DPP6: variants seen among roughly 807,000 people sequenced by gnomAD.
DPP6 encodes the protein A-type potassium channel modulatory protein DPP6.
A neutral mutation model predicts 122.6 loss-of-function variants in DPP6; 69 were observed. The ratio of observed to expected loss-of-function variants is 0.56; its 90% CI spans 0.46 to 0.69. The LOEUF is 0.69. Ranked by LOEUF, DPP6 falls within the 30% of genes least tolerant of loss-of-function variation. DPP6 has a pLI of 0.00. For missense variants in DPP6, 928 were observed against 1,116.9 expected, an observed-to-expected ratio of 0.83 and a Z score of 2.41; for synonymous variants, 418 against 433.1, an observed-to-expected ratio of 0.97 and a Z score of 0.43.
At chr7:153,792,398 G>T in the DPP6 span, among the ~76,000 whole-genome samples, 60 of 146,300 alleles carry the variant, frequency 4.1e-4, no homozygotes, top group Middle Eastern at 3.6e-3. Context: ...TTCAGCAATA[G>T]TTTGACTGGA....
intron 1 of DPP6, among the ~76,000 whole-genome samples, chr7:154,006,162 A>T (rs1797904782): frequency 6.6e-6 from 1 of 152,190 alleles, no homozygotes; most frequent in Non-Finnish European, 1.5e-5. Context: ...AGGTAGCAGC[A>T]TCTGCCCTGA....
rs149502140 is a variant in DPP6 at position 154,327,430 on chromosome 7, G to A, written c.244-118784G>A. ...CAACATATATATTGATGAAGAATTA[G>A]GATCTTAATATAGGAACAGATTGCG... On this transcript the variant is annotated intron_variant, in intron 1 of 25. Transcript: ENST00000377770. Among the ~76,000 whole-genome samples the A allele has an allele frequency of 3.9e-5, 6 of 152,116 alleles. No homozygotes were observed. The East Asian group carries it at 7.8e-4, about 20-fold the overall frequency.
intron 1 of DPP6, among the ~76,000 whole-genome samples, chr7:154,163,180 A>G (rs1447953757): frequency 6.6e-6 from 1 of 152,100 alleles, no homozygotes; most frequent in South Asian, 2.1e-4. Context: ...GGAACTCTAC[A>G]CCTGGAGTCT....
At position 153,959,080 on chromosome 7, in the gene DPP6, A is replaced by C. The variant is rs555044335; in HGVS notation, c.51+71346A>C. On this transcript the variant is annotated intron_variant, in intron 1 of 25. Transcript: ENST00000404039. ...ATTAATTATGACATATTTCAAAGGC[A>C]GGCCAAGAACCTGGCCTCCTCTCCG... Among the ~76,000 whole-genome samples the C allele has an allele frequency of 2.6e-5, 4 of 152,290 alleles. No homozygotes were observed. The East Asian group carries it at 5.8e-4, about 22-fold the overall frequency.
the DPP6 span, among the ~76,000 whole-genome samples, chr7:153,768,534 T>C: frequency 3.3e-5 from 5 of 152,182 alleles, no homozygotes; most frequent in Non-Finnish European, 7.3e-5. Context: ...CTTGATGTTA[T>C]CACCTTTCTG....
chr7:154,731,840 C>G (rs1279531520), intron 8 of DPP6, among the ~76,000 whole-genome samples: 1 of 152,020 alleles, frequency 6.6e-6, no homozygotes, highest in Non-Finnish European at 1.5e-5. Flanking sequence ...GATTTTGAGG[C>G]CTGTGAGTGA....
chr7:154,513,223 C>A (rs1156429219), intron 3 of DPP6, among the ~76,000 whole-genome samples: 1 of 152,050 alleles, frequency 6.6e-6, no homozygotes, highest in Non-Finnish European at 1.5e-5. Flanking sequence ...TCCATCCTAC[C>A]TAATTTTAGT....
At chr7:154,079,072 C>G (rs1803797647) in intron 1 of DPP6, among the ~76,000 whole-genome samples, 1 of 151,748 alleles carries the variant, frequency 6.6e-6, no homozygotes, top group Non-Finnish European at 1.5e-5. Context: ...TCCTGGCCAA[C>G]ATGGTGAAAC....
At position 154,508,244 on chromosome 7, in the gene DPP6, C is replaced by G. The variant is rs77358483; in HGVS notation, c.458-32288C>G. The stretch of plus-strand genomic sequence containing the variant: ...GCAGTTCCATCTTGTTATCTTATAC[C>G]TGGATTCTCCATCTCTGCCCAGACA... On this transcript the variant is annotated intron_variant, in intron 3 of 25. Transcript: ENST00000377770. Among the ~76,000 whole-genome samples, 816 of 152,146 alleles carry G rather than the reference C, an allele frequency of 5.4e-3. 3 individuals carry two copies. Among genetic ancestry groups the G allele is most frequent in the African/African-American group, 0.019 (771 of 41,494 alleles).
At chr7:154,362,062 AAC>A (rs1811773357) in intron 1 of DPP6, among the ~76,000 whole-genome samples, 1 of 152,234 alleles carries the variant, frequency 6.6e-6, no homozygotes, top group African/African-American at 2.4e-5. Flanking sequence ...TCCTGTGACC[AAC>A]ATTGTTGAGG....
At chr7:154,174,878 CTTTTT>C (rs60317194) in intron 1 of DPP6, among the ~76,000 whole-genome samples, 5 of 144,958 alleles carry the variant, frequency 3.4e-5, no homozygotes, top group Admixed American at 3.4e-4. Flanking sequence ...TTCTTTCTTT[CTTTTT>C]TTTTTTGTTT....
At chr7:153,839,795 G>A in the DPP6 span, among the ~76,000 whole-genome samples, 12 of 152,232 alleles carry the variant, frequency 7.9e-5, no homozygotes, top group Admixed American at 4.6e-4. Flanking sequence ...GCTGGGAACC[G>A]CCCCCCTGTT....
intron 1 of DPP6, among the ~76,000 whole-genome samples, chr7:153,933,971 G>A (rs115104818): frequency 0.024 from 3,595 of 152,332 alleles, 139 homozygotes; most frequent in African/African-American, 0.081. Context: ...TTTGTCAGTG[G>A]CTGGTGCAAC....
intron 3 of DPP6, among the ~76,000 whole-genome samples, chr7:154,501,935 GAGCCAC>G (rs150643715): frequency 0.24 from 37,024 of 152,020 alleles, 4,644 homozygotes; most frequent in Non-Finnish European, 0.26. Flanking sequence ...GTCCCCTGCA[GAGCCAC>G]AGGAGTGGAG....
At chr7:154,867,409 G>A (rs937484840) in intron 17 of DPP6, among the ~76,000 whole-genome samples, 1 of 152,198 alleles carries the variant, frequency 6.6e-6, no homozygotes, top group Non-Finnish European at 1.5e-5. Flanking sequence ...ACCACGGAGG[G>A]AGGACAGCCA....
chr7:154,250,213 G>C (rs1246360000), intron 1 of DPP6, among the ~76,000 whole-genome samples: 45 of 152,130 alleles, frequency 3.0e-4, no homozygotes, highest in Non-Finnish European at 1.3e-4. Context: ...TTTGAGACGT[G>C]AGTCTTGCTG....
intron 10 of DPP6, among the ~76,000 whole-genome samples, chr7:154,791,000 C>T (rs1408986519): frequency 1.2e-4 from 18 of 152,036 alleles, no homozygotes. Context: ...GCCTGTAGTC[C>T]CAGCACTTTG....
the DPP6 span, among the ~76,000 whole-genome samples, chr7:153,799,838 G>GC: frequency 3.3e-5 from 5 of 152,262 alleles, 1 homozygote; most frequent in South Asian, 1.0e-3. Flanking sequence ...TTTACCATGA[G>GC]CTGTATGAAA....
intron 5 of DPP6, among the ~76,000 whole-genome samples, chr7:154,634,364 G>A (rs1485571505): frequency 1.3e-5 from 2 of 151,818 alleles, no homozygotes; most frequent in African/African-American, 2.4e-5. Context: ...TGGCTGCATA[G>A]TATTCCATGG....
Sources: allele counts gnomAD v4.1 joint callset (sites outside exome capture counted in the v4.1 genomes callset), GRCh38; gene constraint gnomAD v4.1.1; transcripts MANE v1.5; gene names NCBI Gene and HGNC (gene_info 2026-07-23, HGNC 2026-07-21).